The following CNTLN variants were observed in gnomAD, a reference collection of about 807,000 sequenced individuals.
CNTLN encodes the protein centlein, centrosomal protein.
A neutral mutation model predicts 180.0 loss-of-function variants in CNTLN; 212 were observed. That is an observed-to-expected ratio of 1.18 (90% CI 1.05 to 1.32). CNTLN has a LOEUF of 1.32. Ranked by LOEUF, CNTLN falls within the 40% of genes most tolerant of loss-of-function variation. The probability of loss-of-function intolerance (pLI) is 0.00; values close to 1 mark genes in which losing one functional copy is unlikely to be tolerated. For synonymous variants in CNTLN, 722 were observed against 563.1 expected (o/e 1.28, Z -3.99); for missense variants, 2,095 against 1,610.9 (o/e 1.30, Z -5.14).
chr9:17,332,846 G>A (rs1820735997), intron 10 of CNTLN, 116 bp downstream of exon 10: 7 of 578,180 alleles, frequency 1.2e-5, no homozygotes, highest in Non-Finnish European at 1.8e-5. Context: ...TTAATTGCCT[G>A]TATAAAAGTG....
At chr9:17,163,766 G>A (rs1312216620) in intron 2 of CNTLN, among the ~76,000 whole-genome samples, 1 of 152,196 alleles carries the variant, frequency 6.6e-6, no homozygotes, top group Non-Finnish European at 1.5e-5. Flanking sequence ...AGTGACTCAT[G>A]CCTGTAATCC....
Position 17,263,033 on chromosome 9 carries a change from C to A in CNTLN, c.850-10700C>A, listed in dbSNP as rs865832833. On this transcript the variant is annotated intron_variant, in intron 5 of 25. Coordinates refer to ENST00000380647, the MANE Select transcript of CNTLN (RefSeq NM_017738.4). ...AAATCTAATTTATCTAAAGGTTTATCAATTTTTTTAATTTTATTATTATTA... is the reference window on the plus strand; with the variant it reads ...AAATCTAATTTATCTAAAGGTTTATAAATTTTTTTAATTTTATTATTATTA... Among the ~76,000 whole-genome samples, 50 of 150,954 alleles carry A rather than the reference C, an allele frequency of 3.3e-4. 1 individual carries two copies. In the Middle Eastern group the frequency reaches 0.01, roughly 31 times the overall value.
chr9:17,469,852 T>C (rs1273369098), intron 23 of CNTLN, among the ~76,000 whole-genome samples: 1 of 151,962 alleles, frequency 6.6e-6, no homozygotes, highest in Admixed American at 6.6e-5. Context: ...ACTGGCTCTC[T>C]GACTTCAGGA....
intron 22 of CNTLN, 97 bp from the exon 23 acceptor site, chr9:17,466,609 G>A: frequency 2.1e-6 from 2 of 934,782 alleles, no homozygotes; most frequent in Non-Finnish European, 1.6e-6. Flanking sequence ...TACATAGAGA[G>A]AATAATAAAA....
intron 2 of CNTLN, among the ~76,000 whole-genome samples, chr9:17,175,705 A>G (rs2131679847): frequency 6.6e-6 from 1 of 152,196 alleles, no homozygotes; most frequent in South Asian, 2.1e-4. Flanking sequence ...AGTTGAACCT[A>G]GATATCAATT....
At chr9:17,291,782 A>G (rs990481072) in intron 6 of CNTLN, among the ~76,000 whole-genome samples, 3 of 152,122 alleles carry the variant, frequency 2.0e-5, no homozygotes, top group African/African-American at 4.8e-5. Context: ...GTGTCTTTTA[A>G]TCGGGGCATT....
chr9:17,330,009 A>G (rs562588831), intron 8 of CNTLN, among the ~76,000 whole-genome samples: 7 of 152,146 alleles, frequency 4.6e-5, no homozygotes, highest in Admixed American at 6.5e-5. Context: ...GCAGAATTCC[A>G]GTTTTCATGA....
chr9:17,336,744 A>G (rs1178289015), intron 10 of CNTLN, among the ~76,000 whole-genome samples: 1 of 152,208 alleles, frequency 6.6e-6, no homozygotes, highest in Non-Finnish European at 1.5e-5. Flanking sequence ...TCTGGGATAC[A>G]TGTGCAGAAT....
intron 18 of CNTLN, among the ~76,000 whole-genome samples, chr9:17,430,705 C>G (rs1829366900): frequency 6.6e-6 from 1 of 152,116 alleles, no homozygotes; most frequent in African/African-American, 2.4e-5. Flanking sequence ...ACCCCGACGC[C>G]TGCCACCCTT....
chr9:17,327,137 TA>T (rs71492912), intron 8 of CNTLN, among the ~76,000 whole-genome samples: 1 of 149,368 alleles, frequency 6.7e-6, no homozygotes. Context: ...TTTCTTTACA[TA>T]AAAAAACTGT....
chr9:17,439,072 G>A (rs1269901346), intron 18 of CNTLN, among the ~76,000 whole-genome samples: 1 of 152,052 alleles, frequency 6.6e-6, no homozygotes, highest in East Asian at 1.9e-4. Context: ...AGGAATTGGA[G>A]GATATAATTA....
chr9:17,398,724 A>G (rs1826729398), intron 15 of CNTLN, among the ~76,000 whole-genome samples: 1 of 152,142 alleles, frequency 6.6e-6, no homozygotes, highest in South Asian at 2.1e-4. Flanking sequence ...TAACTCTTTG[A>G]GGCATGGTTT....
chr9:17,282,507 T>C (rs180879183), intron 6 of CNTLN, among the ~76,000 whole-genome samples: 12 of 152,320 alleles, frequency 7.9e-5, no homozygotes, highest in African/African-American at 1.2e-4. Context: ...GATGGATAGA[T>C]TGCAAAAATT....
chr9:17,526,022 G>A, the CNTLN span, among the ~76,000 whole-genome samples: 3 of 151,908 alleles, frequency 2.0e-5, no homozygotes, highest in East Asian at 1.9e-4. Flanking sequence ...TGCAAGCTCC[G>A]CCTCCCGGGT....
intron 23 of CNTLN, among the ~76,000 whole-genome samples, chr9:17,480,090 C>G (rs1832561748): frequency 6.6e-6 from 1 of 151,964 alleles, no homozygotes; most frequent in African/African-American, 2.4e-5. Context: ...CTTTTCAAGG[C>G]CAAGACAGGA....
chr9:17,438,487 T>C (rs534117000), intron 18 of CNTLN, among the ~76,000 whole-genome samples: 41 of 152,310 alleles, frequency 2.7e-4, no homozygotes, highest in Non-Finnish European at 5.4e-4. Flanking sequence ...AGAAGAATTG[T>C]ATTTGTGACA....
chr9:17,244,983 A>T (rs1785524017), intron 5 of CNTLN, among the ~76,000 whole-genome samples: 1 of 152,070 alleles, frequency 6.6e-6, no homozygotes, highest in Non-Finnish European at 1.5e-5. Context: ...CTTTTTATTT[A>T]TATCTTATTC....
At chr9:17,277,277 G>T in intron 6 of CNTLN, among the ~76,000 whole-genome samples, 1 of 75,582 alleles carries the variant, frequency 1.3e-5, no homozygotes, top group East Asian at 4.3e-4. Context: ...GGTAGATGGG[G>T]TAGAACCATT....
intron 23 of CNTLN, among the ~76,000 whole-genome samples, chr9:17,473,606 A>C (rs112763001): frequency 3.8e-5 from 5 of 131,032 alleles, no homozygotes; most frequent in African/African-American, 1.8e-4. Context: ...AAAAAAAAAA[A>C]CAAAACAAAA....
Sources: allele counts gnomAD v4.1 joint callset (sites outside exome capture counted in the v4.1 genomes callset), GRCh38; gene constraint gnomAD v4.1.1; transcripts MANE v1.5; gene names NCBI Gene and HGNC (gene_info 2026-07-23, HGNC 2026-07-21).